Variants in NHERF4 observed in about 807,000 individuals in gnomAD.
The protein encoded by NHERF4 is NHERF family PDZ scaffold protein 4, also known as Na(+)/H(+) exchange regulatory cofactor NHE-RF4.
At chr11:119,188,313 T>C in the NHERF4 span, 2 of 1,610,092 alleles carry the variant, frequency 1.2e-6, no homozygotes, top group East Asian at 2.2e-5. Flanking sequence ...CACAGTGGCC[T>C]AGGATAGCTG....
chr11:119,186,553 C>T, the NHERF4 span: 1 of 1,614,200 alleles, frequency 6.2e-7, no homozygotes, highest in South Asian at 1.1e-5. This position sits in a 1 kb window ranked among gnomAD's most constrained non-coding sequence, Gnocchi z 4.4. Flanking sequence ...CTTCCACCTG[C>T]AGCAGGAGCT....
At chr11:119,188,332 C>A in the NHERF4 span, 2 of 1,612,848 alleles carry the variant, frequency 1.2e-6, no homozygotes, top group Non-Finnish European at 1.7e-6. Flanking sequence ...TGGAGAGGAG[C>A]AGTGAGGATG....
At chr11:119,190,047 G>A in the NHERF4 span, 15 of 471,488 alleles carry the variant, frequency 3.2e-5, no homozygotes, top group Non-Finnish European at 4.8e-5. The surrounding 1 kb of genome is among the most constrained non-coding windows in gnomAD (Gnocchi z 4.2). Flanking sequence ...GCTCCTGCAG[G>A]AGAGAGGTTG....
the NHERF4 span, chr11:119,185,964 G>C: frequency 6.2e-7 from 1 of 1,614,118 alleles, no homozygotes; most frequent in Non-Finnish European, 8.5e-7. Flanking sequence ...TAAGTGCCAC[G>C]AGGGTTGGGG....
the NHERF4 span, chr11:119,187,547 T>G: frequency 6.2e-7 from 1 of 1,600,976 alleles, no homozygotes; most frequent in Non-Finnish European, 8.5e-7. Context: ...GACCTTGCTT[T>G]TTTTTTTAAT....
chr11:119,188,399 G>A, the NHERF4 span: 1 of 1,613,798 alleles, frequency 6.2e-7, no homozygotes, highest in East Asian at 2.2e-5. Flanking sequence ...AGCCAAGAAG[G>A]CTGGGATGCA....
chr11:119,187,697 G>A, the NHERF4 span: 1 of 1,506,380 alleles, frequency 6.6e-7, no homozygotes. Context: ...AACTCACCAG[G>A]AAGGTGTGAC....
chr11:119,186,583 G>C, the NHERF4 span: 1 of 1,614,168 alleles, frequency 6.2e-7, no homozygotes, highest in Non-Finnish European at 8.5e-7. The surrounding 1 kb of genome is among the most constrained non-coding windows in gnomAD (Gnocchi z 4.4). Context: ...TGGGCATGTG[G>C]TGTGCAGGGT....
the NHERF4 span, chr11:119,189,020 T>C: frequency 6.2e-7 from 1 of 1,613,988 alleles, no homozygotes; most frequent in Non-Finnish European, 8.5e-7. This position sits in a 1 kb window ranked among gnomAD's most constrained non-coding sequence, Gnocchi z 5.8. Context: ...TCCAGGAGGC[T>C]CAGCTGCCCG....
the NHERF4 span, chr11:119,186,437 GCC>G: frequency 1.2e-6 from 2 of 1,607,350 alleles, no homozygotes; most frequent in Admixed American, 3.3e-5. The surrounding 1 kb of genome is among the most constrained non-coding windows in gnomAD (Gnocchi z 4.4). Context: ...CTTGGGCTGT[GCC>G]CTCTCCTCCC....
the NHERF4 span, among the ~76,000 whole-genome samples, chr11:119,187,112 C>T: frequency 6.7e-6 from 1 of 149,226 alleles, no homozygotes; most frequent in South Asian, 2.1e-4. Context: ...TGCACTCCAA[C>T]CTGGGCGACA....
At chr11:119,186,081 C>T in the NHERF4 span, 5 of 1,610,556 alleles carry the variant, frequency 3.1e-6, no homozygotes, top group African/African-American at 4.0e-5. This position sits in a 1 kb window ranked among gnomAD's most constrained non-coding sequence, Gnocchi z 4.4. Context: ...GCTTCCCCTG[C>T]CTCCTTGCAG....
At chr11:119,188,866 A>G in the NHERF4 span, 1 of 1,613,892 alleles carries the variant, frequency 6.2e-7, no homozygotes, top group Non-Finnish European at 8.5e-7. Flanking sequence ...TTCATCTCCC[A>G]GGTGACTGAT....
At chr11:119,185,990 A>T in the NHERF4 span, 1 of 1,614,046 alleles carries the variant, frequency 6.2e-7, no homozygotes, top group Non-Finnish European at 8.5e-7. Context: ...GGAGGAAATA[A>T]TTGGAGGCAG....
chr11:119,190,066 T>A, the NHERF4 span: 585 of 508,040 alleles, frequency 1.2e-3, 3 homozygotes, highest in Admixed American at 2.5e-3. The surrounding 1 kb of genome is among the most constrained non-coding windows in gnomAD (Gnocchi z 4.2). Flanking sequence ...TGAGACCTGG[T>A]CAAATTTATT....
At chr11:119,188,408 C>T in the NHERF4 span, 13 of 1,613,630 alleles carry the variant, frequency 8.1e-6, no homozygotes, top group African/African-American at 1.3e-5. Context: ...GGCTGGGATG[C>T]AGGCTGGGGA....
At chr11:119,188,672 C>T in the NHERF4 span, 3 of 1,614,062 alleles carry the variant, frequency 1.9e-6, no homozygotes, top group South Asian at 1.1e-5. Context: ...TCTTGGAGAA[C>T]ACAGAGGCTC....
At chr11:119,188,851 G>A in the NHERF4 span, 114 of 1,614,078 alleles carry the variant, frequency 7.1e-5, no homozygotes, top group Middle Eastern at 1.6e-4. Context: ...AGTGGGCCTC[G>A]TCTCTTCATC....
At chr11:119,189,661 CAG>C in the NHERF4 span, 2 of 733,188 alleles carry the variant, frequency 2.7e-6, no homozygotes, top group Non-Finnish European at 4.7e-6. The surrounding 1 kb of genome is among the most constrained non-coding windows in gnomAD (Gnocchi z 5.8). Flanking sequence ...CACCTGCCAG[CAG>C]AGGGTGTGGT....
Sources: allele counts gnomAD v4.1 joint callset (sites outside exome capture counted in the v4.1 genomes callset), GRCh38; gene constraint gnomAD v4.1.1; non-coding constraint Gnocchi (gnomAD v3.1); transcripts MANE v1.5; gene names NCBI Gene and HGNC (gene_info 2026-07-23, HGNC 2026-07-21).